ZBTB46: variants seen among roughly 807,000 people sequenced by gnomAD.
ZBTB46 encodes zinc finger and BTB domain containing 46, also known as zinc finger and BTB domain-containing protein 46.
In ZBTB46, 8 loss-of-function variants were observed where a neutral mutation model predicts 44.1. The observed-to-expected ratio is 0.18, with a 90% CI of 0.11 to 0.33. The LOEUF is 0.33. Among genes scored for constraint, ZBTB46 ranks in the 10% least tolerant of loss-of-function variants. The pLI is 1.00. For missense variants in ZBTB46, 651 were observed against 847.7 expected, an observed-to-expected ratio of 0.77 and a Z score of 2.88; for synonymous variants, 409 against 382.3, an observed-to-expected ratio of 1.07 and a Z score of -0.81.
chr20:63,778,653 C>T (rs962491929), intron 2 of ZBTB46, among the ~76,000 whole-genome samples: 5 of 152,202 alleles, frequency 3.3e-5, no homozygotes, highest in African/African-American at 1.2e-4. Context: ...CAGTGACATT[C>T]GGACCGTCGA....
upstream of ZBTB46, among the ~76,000 whole-genome samples, chr20:63,832,545 T>C (rs748528590): frequency 6.6e-6 from 1 of 152,086 alleles, no homozygotes; most frequent in African/African-American, 2.4e-5. The surrounding 1 kb of genome is among the most constrained non-coding windows in gnomAD (Gnocchi z 5.0). Flanking sequence ...GGCTGAGGGC[T>C]CTCCATGAGT....
intron 1 of ZBTB46, among the ~76,000 whole-genome samples, chr20:63,812,978 G>T (rs1049258472): frequency 2.0e-5 from 3 of 151,876 alleles, no homozygotes; most frequent in Non-Finnish European, 4.4e-5. Flanking sequence ...CGTGCCTGTA[G>T]TCCCAGCTAC....
At chr20:63,782,310 C>A (rs4809343) in intron 2 of ZBTB46, among the ~76,000 whole-genome samples, 15,335 of 151,942 alleles carry the variant, frequency 0.1, 1,209 homozygotes, top group East Asian at 0.45. Flanking sequence ...ACGGACCCAC[C>A]AGGGCCCCGT....
chr20:63,815,214 G>T, intron 1 of ZBTB46: 1 of 208,822 alleles, frequency 4.8e-6, no homozygotes, highest in Non-Finnish European at 9.8e-6. Context: ...CAGTGGGCAC[G>T]AGTGCAAGTG....
rs1568817027 is a variant in ZBTB46, at chr20:63,744,284, C to A, written c.*2646G>T. On this transcript the variant is annotated 3_prime_UTR_variant, in exon 5 of 5. Transcript: ENST00000245663. The stretch of plus-strand genomic sequence containing the variant: ...AGTTGGAAGCAGTAAGCTGCGTCTT[C>A]TGAGTCAGTTCCCTACGTAGCCCTG... 6.6e-6 allele frequency: 1 copy of A among 152,162 alleles called. No homozygotes were observed. The highest frequency in any genetic ancestry group is 2.4e-5 in the African/African-American group (1 of 41,424). The allele number at this position is 152,162 out of a possible 1,614,324, so 9.4% of individuals were successfully genotyped here. A position where few individuals can be genotyped will look rare whatever the true frequency, so the allele number is the denominator to read the frequency against.
At chr20:63,785,336 G>A (rs1187813409) in intron 2 of ZBTB46, among the ~76,000 whole-genome samples, 2 of 151,476 alleles carry the variant, frequency 1.3e-5, no homozygotes, top group Non-Finnish European at 3.0e-5. Context: ...TGAGGCGGGC[G>A]GACCGCTTGA....
At position 63,746,993 on chromosome 20, in the gene ZBTB46, T is replaced by G. The variant is rs1327691482; in HGVS notation, c.1707A>C (p.Glu569Asp). 2 of 1,607,300 alleles carry G rather than the reference T, an allele frequency of 1.2e-6. No homozygotes were observed. Among genetic ancestry groups the G allele is most frequent in the Non-Finnish European group, 8.5e-7 (1 of 1,179,360 alleles). The stretch of plus-strand genomic sequence containing the variant: ...GGGGGCTGCGCGGCCGCGGCGAGTC[T>G]TCCTCATCCTTGTCGTCCGCCAACA... ...DALLADDKDE[E>D]DSPRPRSPPG... The change falls in exon 5 of 5, where the codon GAA becomes GAC. Residue 569 changes from glutamate (E) to aspartate (D), a missense_variant. Physicochemically the swap from Glu to Asp is conservative, Grantham distance 45. This residue lies in a region of ZBTB46 where 106 missense variants were observed against 81.0 expected (regional missense o/e 1.31). Transcript: ENST00000245663.
chr20:63,747,506 G>GGC (rs1555835410), intron 4 of ZBTB46, among the ~76,000 whole-genome samples: 1 of 49,300 alleles, frequency 2.0e-5, no homozygotes, highest in Non-Finnish European at 4.3e-5. Flanking sequence ...GGTTGGGAGG[G>GGC]GGGCCAGGGG....
Position 63,790,616 on chromosome 20 carries a change from C to T in ZBTB46, c.142G>A (p.Val48Ile), listed in dbSNP as rs765734947. The stretch of plus-strand genomic sequence containing the variant: ...AAGTAGCGGCTGCTGCCCAGCAGGA[C>T]GTTCTTGTGCGCCTTGAAGACCTTG... Reference protein sequence around the residue: ...EGKVFKAHKNVLLGSSRYFKT... With the variant: ...EGKVFKAHKNILLGSSRYFKT... The change falls in exon 2 of 5, where the codon GTC becomes ATC. Residue 48 changes from valine (V) to isoleucine (I), a missense_variant. Physicochemically the swap from Val to Ile is conservative, Grantham distance 29. Transcript: ENST00000245663. 1.7e-5 allele frequency: 27 copies of T among 1,611,566 alleles called. No homozygotes were observed. The highest frequency in any genetic ancestry group is 1.1e-4 in the East Asian group (5 of 44,894).
At chr20:63,769,950 T>C (rs937417930) in intron 3 of ZBTB46, among the ~76,000 whole-genome samples, 5 of 152,110 alleles carry the variant, frequency 3.3e-5, no homozygotes, top group Non-Finnish European at 7.4e-5. Flanking sequence ...CCTTCTCCAG[T>C]AACGAGCTGG....
Position 63,790,856 on chromosome 20 carries a change from C to T in ZBTB46, c.-33-66G>A, listed in dbSNP as rs535267010. 1,551 of 1,451,256 alleles carry T rather than the reference C, an allele frequency of 1.1e-3. 20 individuals are homozygous for T. The highest frequency in any genetic ancestry group is 9.3e-3 in the South Asian group (653 of 69,964). The allele number at this position is 1,451,256 out of a possible 1,614,324, so 89.9% of individuals were successfully genotyped here. On this transcript the variant is annotated intron_variant, in intron 1 of 4. Coordinates refer to ENST00000245663, the MANE Select transcript of ZBTB46 (RefSeq NM_001369741.1). ...ACAGAGGCCGTGAGAGGACGCCGGGCGGGGCGCAGGAGGGCCATGGGGCAC... is the reference window on the plus strand; with the variant it reads ...ACAGAGGCCGTGAGAGGACGCCGGGTGGGGCGCAGGAGGGCCATGGGGCAC...
chr20:63,775,740 A>C lies in ZBTB46; in HGVS notation c.1160T>G (p.Val387Gly). 2 of 1,611,874 alleles carry C rather than the reference A, an allele frequency of 1.2e-6. No homozygotes were observed. Among genetic ancestry groups the C allele is most frequent in the Non-Finnish European group, 1.7e-6 (2 of 1,179,028 alleles). ...CAGCAGGGAGCCGTCATCCCCCAGC[A>C]CGTCGGCCTTCAGCGACAGCAGGCT... is the stretch of plus-strand genomic sequence containing the variant. ...KNSLLSLKAD[V>G]LGDDGSLLFE... is the part of the protein sequence containing the mutation. Residue 387 changes from valine to glycine, a missense_variant, in exon 3 of 5, where the codon GTG becomes GGG. By Grantham distance (109) the Val-to-Gly change is moderately radical. Coordinates refer to ENST00000245663, the MANE Select transcript of ZBTB46 (RefSeq NM_001369741.1).
At chr20:63,816,852 C>G (rs1014375565) in intron 1 of ZBTB46, among the ~76,000 whole-genome samples, 1 of 152,172 alleles carries the variant, frequency 6.6e-6, no homozygotes, top group African/African-American at 2.4e-5. Context: ...CGCCTGTAAT[C>G]CCAGCACTTT....
intron 3 of ZBTB46, among the ~76,000 whole-genome samples, chr20:63,765,038 T>C (rs1295056010): frequency 8.4e-5 from 4 of 47,770 alleles, no homozygotes; most frequent in South Asian, 6.7e-4. Flanking sequence ...TGTGTGTGTG[T>C]GCGTGCGTGT....
At position 63,752,017 on chromosome 20, in the gene ZBTB46, T is replaced by C. The variant is rs2092172519; in HGVS notation, c.1398+669A>G. Among the ~76,000 whole-genome samples the C allele has an allele frequency of 6.6e-6, 1 of 151,930 alleles. No individual in the cohort carries two copies. The highest frequency in any genetic ancestry group is 2.1e-4 in the South Asian group (1 of 4,822). Reference sequence around the variant, plus strand: ...CCCGGGGCGCCTCCACTGCCTCTCCTCACACAGCTGCCCGCCGCGAGCTCC... The same window carrying C: ...CCCGGGGCGCCTCCACTGCCTCTCCCCACACAGCTGCCCGCCGCGAGCTCC... On this transcript the variant is annotated intron_variant, in intron 4 of 4. Coordinates refer to ENST00000245663, the MANE Select transcript of ZBTB46 (RefSeq NM_001369741.1). The surrounding 1 kb of genome is among the most constrained non-coding windows in gnomAD (Gnocchi z 5.6).
chr20:63,771,491 A>C (rs948448775), intron 3 of ZBTB46, among the ~76,000 whole-genome samples: 3 of 151,832 alleles, frequency 2.0e-5, no homozygotes, highest in Non-Finnish European at 4.4e-5. Context: ...AGATCAGCAG[A>C]CGGCGTCAGA....
chr20:63,778,561 G>A (rs2092443376), intron 2 of ZBTB46, among the ~76,000 whole-genome samples: 1 of 152,174 alleles, frequency 6.6e-6, no homozygotes, highest in African/African-American at 2.4e-5. Flanking sequence ...TGAGAGCTGG[G>A]TGTGGCAGGT....
intron 3 of ZBTB46, chr20:63,769,418 G>A (rs963429873): frequency 3.0e-6 from 3 of 985,426 alleles, no homozygotes; most frequent in Non-Finnish European, 3.6e-6. Flanking sequence ...CTCACCCACA[G>A]GAACGCGCAC....
At chr20:63,821,197 T>C (rs1318344337) in intron 1 of ZBTB46, among the ~76,000 whole-genome samples, 2 of 151,558 alleles carry the variant, frequency 1.3e-5, no homozygotes, top group Non-Finnish European at 1.5e-5. Flanking sequence ...TTTTTTTTTT[T>C]TCAGTAGAGA....
Sources: allele counts gnomAD v4.1 joint callset (sites outside exome capture counted in the v4.1 genomes callset), GRCh38; gene constraint gnomAD v4.1.1; regional missense constraint gnomAD v4.1.1; non-coding constraint Gnocchi (gnomAD v3.1); transcripts MANE v1.5; gene names NCBI Gene and HGNC (gene_info 2026-07-23, HGNC 2026-07-21).